The following ARID2 variants were observed in gnomAD, a reference collection of about 807,000 sequenced individuals.
The protein encoded by ARID2 is AT-rich interactive domain-containing protein 2.
In ARID2, 32 loss-of-function variants were observed where a neutral mutation model predicts 184.6. The ratio of observed to expected loss-of-function variants is 0.17; its 90% CI spans 0.13 to 0.23. The LOEUF (loss-of-function observed/expected upper bound fraction) is 0.23, where lower values mean the gene tolerates loss of function less well. Ranked by LOEUF, ARID2 falls within the 10% of genes least tolerant of loss-of-function variation. ARID2 has a pLI of 1.00. For synonymous variants in ARID2, 836 were observed against 772.6 expected, an observed-to-expected ratio of 1.08 and a Z score of -1.36; for missense variants, 1,696 against 2,197.6, an observed-to-expected ratio of 0.77 and a Z score of 4.56.
At chr12:45,772,311 C>A (rs1941893422) in intron 3 of ARID2, among the ~76,000 whole-genome samples, 1 of 152,018 alleles carries the variant, frequency 6.6e-6, no homozygotes, top group South Asian at 2.1e-4. Flanking sequence ...AGTTAGAATC[C>A]AGGTGTGGTA....
intron 11 of ARID2, among the ~76,000 whole-genome samples, chr12:45,845,109 G>A (rs1421034662): frequency 1.3e-5 from 2 of 152,054 alleles, no homozygotes; most frequent in Admixed American, 6.6e-5. Context: ...ATTCCCATTT[G>A]TGATTTTATT....
intron 20 of ARID2, among the ~76,000 whole-genome samples, chr12:45,901,154 ATTTTTTTTTTTTTT>A (rs71067909): frequency 1.8e-4 from 8 of 44,964 alleles, no homozygotes; most frequent in African/African-American, 4.2e-4. Flanking sequence ...AATTTCCTTA[ATTTTTTTTTTTTTT>A]TTTTTTTTTT....
At chr12:45,902,921 A>G (rs1394690401) in intron 20 of ARID2, among the ~76,000 whole-genome samples, 2 of 152,244 alleles carry the variant, frequency 1.3e-5, no homozygotes, top group Non-Finnish European at 1.5e-5. Context: ...AAAGAAAATC[A>G]TAAAGATTTT....
chr12:45,813,533 A>C (rs774234921), intron 4 of ARID2, among the ~76,000 whole-genome samples: 31 of 151,726 alleles, frequency 2.0e-4, no homozygotes, highest in African/African-American at 7.5e-4. Context: ...TTTACTTAGA[A>C]CTTTGAGAAG....
chr12:45,838,071 C>T (rs554656738), intron 10 of ARID2, among the ~76,000 whole-genome samples: 16 of 152,224 alleles, frequency 1.1e-4, no homozygotes, highest in African/African-American at 3.1e-4. Context: ...TCTGTTGTTA[C>T]GTATTAAATT....
intron 3 of ARID2, among the ~76,000 whole-genome samples, chr12:45,778,278 A>G (rs1942026144): frequency 6.6e-6 from 1 of 152,202 alleles, no homozygotes; most frequent in South Asian, 2.1e-4. Context: ...GCCTTATTAT[A>G]GATCTAGGAT....
intron 3 of ARID2, among the ~76,000 whole-genome samples, chr12:45,774,251 C>T (rs1021636804): frequency 6.6e-6 from 1 of 152,048 alleles, no homozygotes; most frequent in African/African-American, 2.4e-5. Flanking sequence ...TACTAAATTA[C>T]TTATATTCAG....
intron 3 of ARID2, among the ~76,000 whole-genome samples, chr12:45,774,716 A>G (rs1941942664): frequency 6.6e-6 from 1 of 152,200 alleles, no homozygotes; most frequent in Non-Finnish European, 1.5e-5. Context: ...GACTCCTGTT[A>G]CTGCCAACAC....
intron 20 of ARID2, among the ~76,000 whole-genome samples, chr12:45,896,156 G>A (rs1485781757): frequency 3.3e-5 from 5 of 152,150 alleles, no homozygotes; most frequent in African/African-American, 7.2e-5. Flanking sequence ...GTATAGACAG[G>A]GCAGCTCTGC....
intron 6 of ARID2, among the ~76,000 whole-genome samples, chr12:45,822,907 A>G (rs1191259250): frequency 6.6e-6 from 1 of 152,198 alleles, no homozygotes; most frequent in East Asian, 1.9e-4. Flanking sequence ...CATTGGACAG[A>G]TCATCTAGAT....
chr12:45,730,274 G>A (rs1021675706), intron 2 of ARID2, 137 bp downstream of exon 2: 14 of 717,046 alleles, frequency 2.0e-5, no homozygotes, highest in Non-Finnish European at 2.9e-5. Flanking sequence ...CCAGCCGGTG[G>A]CACGGAGGCG....
chr12:45,892,144 G>C (rs1565641423), intron 18 of ARID2, 48 bp downstream of exon 18: 3 of 1,559,760 alleles, frequency 1.9e-6, no homozygotes, highest in Non-Finnish European at 2.6e-6. Context: ...AAAGAAACTA[G>C]GCAAAACACA....
rs768982341 is a variant in ARID2 at position 45,851,010 on chromosome 12, A to C, written c.2887A>C (p.Thr963Pro). Residue 963 changes from threonine (T) to proline (P), a missense_variant, in exon 15 of 21, where the codon ACT becomes CCT. This residue lies in a region of ARID2 where 713 missense variants were observed against 824.4 expected (regional missense o/e 0.86). Transcript: ENST00000334344. ...TCCAGCTGGTCAGACAGTTCAGCTA[A>C]CTGGACAACCTAACATAACTCCATC... ...ALPAGQTVQL[T>P]GQPNITPSSS... 6.2e-7 allele frequency: 1 copy of C among 1,614,156 alleles called. No homozygotes were observed. The highest frequency in any genetic ancestry group is 8.5e-7 in the Non-Finnish European group (1 of 1,180,014).
chr12:45,846,786 A>G (rs991602389), intron 11 of ARID2, 70 bp from the exon 12 acceptor site: 17 of 1,457,924 alleles, frequency 1.2e-5, no homozygotes, highest in Non-Finnish European at 1.4e-5. Flanking sequence ...TTCAATATCC[A>G]TAAAAAAAAG....
chr12:45,848,386 T>G (rs1000019278), intron 12 of ARID2, among the ~76,000 whole-genome samples: 1 of 152,084 alleles, frequency 6.6e-6, no homozygotes, highest in African/African-American at 2.4e-5. Flanking sequence ...AAGTTTTTTC[T>G]GAAGGAATTT....
chr12:45,828,811 G>T (rs1474156737), intron 6 of ARID2, among the ~76,000 whole-genome samples: 6 of 151,420 alleles, frequency 4.0e-5, no homozygotes, highest in African/African-American at 1.5e-4. Context: ...ATTTGTAAGA[G>T]TTTTTTTTCT....
At chr12:45,806,854 G>A (rs1942612424) in intron 3 of ARID2, among the ~76,000 whole-genome samples, 1 of 152,064 alleles carries the variant, frequency 6.6e-6, no homozygotes, top group South Asian at 2.1e-4. Flanking sequence ...CTTGGTCTTT[G>A]GACTCATTTT....
At chr12:45,883,839 A>G (rs1944142245) in intron 16 of ARID2, among the ~76,000 whole-genome samples, 1 of 152,112 alleles carries the variant, frequency 6.6e-6, no homozygotes, top group Non-Finnish European at 1.5e-5. Flanking sequence ...ATAAGATGAT[A>G]TATGTGAATA....
At chr12:45,845,414 C>T (rs1379468308) in intron 11 of ARID2, among the ~76,000 whole-genome samples, 9 of 152,076 alleles carry the variant, frequency 5.9e-5, no homozygotes, top group Non-Finnish European at 2.9e-5. Context: ...ATAGTATGGC[C>T]TCTAAAATGT....
Sources: allele counts gnomAD v4.1 joint callset (sites outside exome capture counted in the v4.1 genomes callset), GRCh38; gene constraint gnomAD v4.1.1; regional missense constraint gnomAD v4.1.1; transcripts MANE v1.5; gene names NCBI Gene and HGNC (gene_info 2026-07-23, HGNC 2026-07-21).